The following TACC2 variants were observed in gnomAD, a reference collection of about 807,000 sequenced individuals.
TACC2 encodes the protein transforming acidic coiled-coil-containing protein 2.
In TACC2, 137 loss-of-function variants were observed where a neutral mutation model predicts 227.3. That is an observed-to-expected ratio of 0.60 (90% CI 0.52 to 0.69). The LOEUF (loss-of-function observed/expected upper bound fraction) is 0.69. Ranked by LOEUF, TACC2 falls within the 30% of genes least tolerant of loss-of-function variation. The pLI is 0.00. For missense variants in TACC2, 3,470 were observed against 3,694.4 expected, an observed-to-expected ratio of 0.94 and a Z score of 1.57; for synonymous variants, 1,523 against 1,487.5, an observed-to-expected ratio of 1.02 and a Z score of -0.55.
At chr10:122,065,947 C>T (rs2136551701) in intron 3 of TACC2, among the ~76,000 whole-genome samples, 1 of 152,134 alleles carries the variant, frequency 6.6e-6, no homozygotes, top group East Asian at 1.9e-4. Flanking sequence ...ATAATATAGA[C>T]ACAACAGCCT....
intron 7 of TACC2, among the ~76,000 whole-genome samples, chr10:122,192,965 G>T (rs2094459018): frequency 6.6e-6 from 1 of 152,178 alleles, no homozygotes; most frequent in South Asian, 2.1e-4. Flanking sequence ...ACCTCCTTTT[G>T]TTTTCCACAC....
intron 3 of TACC2, among the ~76,000 whole-genome samples, chr10:122,060,834 G>A (rs1385816016): frequency 2.0e-5 from 3 of 151,810 alleles, no homozygotes; most frequent in Admixed American, 6.6e-5. Flanking sequence ...GCGAAACTCT[G>A]TCTCTACTAA....
At chr10:122,207,612 C>G (rs1255516033) in intron 8 of TACC2, among the ~76,000 whole-genome samples, 3 of 152,182 alleles carry the variant, frequency 2.0e-5, no homozygotes. Flanking sequence ...CCCCAAATGA[C>G]CATAATGCCA....
In TACC2 at chr10:122,084,085, G is replaced by C. The variant is rs546635210; in HGVS notation, c.1585G>C (p.Gly529Arg). 1.2e-6 allele frequency: 2 copies of C among 1,614,028 alleles called. No homozygotes were observed. Among genetic ancestry groups the C allele is most frequent in the Admixed American group, 1.7e-5 (1 of 60,010 alleles). The change falls in exon 4 of 23, where the codon GGA becomes CGA. Residue 529 changes from glycine to arginine, a missense_variant. Gly to Arg is a moderately radical substitution (Grantham distance 125). Transcript: ENST00000369005. ...GGAGCAAAGCCATGAGGTCCAACCA[G>C]GAGCACCACCCCCTCCTCTTCCCAA... ...PKEQSHEVQP[G>R]APPPPLPKAP...
intron 5 of TACC2, among the ~76,000 whole-genome samples, chr10:122,110,052 A>G (rs939190080): frequency 2.0e-5 from 3 of 152,224 alleles, no homozygotes; most frequent in African/African-American, 7.2e-5. Flanking sequence ...TGCCTTTAAG[A>G]TAACTCCAGA....
rs200859744 is a variant in TACC2 at position 122,107,877 on chromosome 10, TATA to T, written c.5573+19287_5573+19289del. Among the ~76,000 whole-genome samples, 618 of 89,570 alleles carry T rather than the reference TATA, an allele frequency of 6.9e-3. 9 individuals are homozygous for T. Among genetic ancestry groups the T allele is most frequent in the African/African-American group, 0.022 (556 of 25,854 alleles). The allele number at this position is 89,570 out of a possible 152,430, so 58.8% of individuals were successfully genotyped here. A position where few individuals can be genotyped will look rare whatever the true frequency, so the allele number is the denominator to read the frequency against. ...CCAAAGTCCATTATATATATATATA[TATA>T]TTTTTTTTTTCTTTTTTCTTTTTTT... On this transcript the variant is annotated intron_variant, in intron 5 of 22. Transcript: ENST00000369005.
chr10:122,254,123 C>A lies in TACC2; in HGVS notation c.*67C>A, dbSNP rs778450017. On this transcript the variant is annotated 3_prime_UTR_variant, in exon 23 of 23. Transcript: ENST00000369005. ...TGACCGTCGGCACACTGCTGTTCCT[C>A]CAGTTCCATGGACAGGTTCTGTTTT... 7.7e-7 allele frequency: 1 copy of A among 1,292,362 alleles called. No homozygotes were observed. Among genetic ancestry groups the A allele is most frequent in the Non-Finnish European group, 1.1e-6 (1 of 886,396 alleles). 80.1% of individuals were successfully genotyped at this position (1,292,362 alleles called of 1,614,324 possible).
chr10:122,150,945 A>G lies in TACC2; in HGVS notation c.5834+7239A>G, dbSNP rs759945737. 2.0e-5 allele frequency among the ~76,000 whole-genome samples: 3 copies of G among 152,096 alleles called. No individual in the cohort carries two copies. The highest frequency in any genetic ancestry group is 4.4e-5 in the Non-Finnish European group (3 of 68,024). On this transcript the variant is annotated intron_variant, in intron 7 of 22. Coordinates refer to ENST00000369005, the MANE Select transcript of TACC2 (RefSeq NM_206862.4). The surrounding 1 kb of genome is among the most constrained non-coding windows in gnomAD (Gnocchi z 4.0). The stretch of plus-strand genomic sequence containing the variant: ...AGCATGAAGTTGGAAAGACAGGCCT[A>G]TTTACCAGCTGTGTGACATGGCATG...
intron 7 of TACC2, among the ~76,000 whole-genome samples, chr10:122,190,474 A>G (rs528392465): frequency 6.6e-6 from 1 of 152,302 alleles, no homozygotes; most frequent in South Asian, 2.1e-4. Context: ...GGAGCTCGGC[A>G]GGGTCCTGTT....
At chr10:122,091,050 T>A (rs550564550) in intron 5 of TACC2, among the ~76,000 whole-genome samples, 1 of 152,180 alleles carries the variant, frequency 6.6e-6, no homozygotes, top group Non-Finnish European at 1.5e-5. Flanking sequence ...TACAAACAGA[T>A]CTTCATGGCT....
At chr10:122,187,680 A>G (rs1043648233) in intron 7 of TACC2, among the ~76,000 whole-genome samples, 5 of 151,836 alleles carry the variant, frequency 3.3e-5, no homozygotes, top group South Asian at 2.1e-4. Context: ...TAGTAGAGAC[A>G]GGGTTTCTCC....
intron 7 of TACC2, among the ~76,000 whole-genome samples, chr10:122,173,031 C>G (rs2093553784): frequency 6.6e-6 from 1 of 152,052 alleles, no homozygotes; most frequent in Admixed American, 6.6e-5. Flanking sequence ...TGCCTGTGGC[C>G]TCAGCTTGGG....
chr10:122,106,047 G>C (rs10749439), intron 5 of TACC2, among the ~76,000 whole-genome samples: 51,100 of 149,020 alleles, frequency 0.34, 10,524 homozygotes, highest in South Asian at 0.46. Flanking sequence ...GAGTACAGTG[G>C]TGTGATTTCG....
intron 8 of TACC2, among the ~76,000 whole-genome samples, chr10:122,199,265 T>A (rs893518030): frequency 1.1e-4 from 16 of 152,228 alleles, no homozygotes; most frequent in Non-Finnish European, 2.2e-4. Context: ...AGCACCAGTG[T>A]CCTCGCCAGG....
chr10:122,140,896 G>A (rs970542409), intron 6 of TACC2, among the ~76,000 whole-genome samples: 1 of 152,204 alleles, frequency 6.6e-6, no homozygotes, highest in Non-Finnish European at 1.5e-5. Flanking sequence ...GAATGCCGTG[G>A]AAAGTCAGGG....
chr10:122,177,793 A>G (rs1304464446), intron 7 of TACC2, among the ~76,000 whole-genome samples: 1 of 152,112 alleles, frequency 6.6e-6, no homozygotes, highest in Admixed American at 6.5e-5. Context: ...CCCTTCCAGA[A>G]CTGCCATGGT....
Position 122,132,710 on chromosome 10 carries a change from T to C in TACC2, c.5675T>C (p.Val1892Ala), listed in dbSNP as rs749537807. 9.3e-6 allele frequency: 15 copies of C among 1,613,980 alleles called. No homozygotes were observed. The Admixed American group carries it at 2.2e-4, about 23-fold the overall frequency. Residue 1892 changes from valine (V) to alanine (A), a missense_variant, in exon 6 of 23, where the codon GTC becomes GCC. By Grantham distance (64) the Val-to-Ala change is moderately conservative. Transcript: ENST00000369005. ...SSYHGDVVGQ[V>A]STDLIAQSIS... ...TACCACGGTGATGTTGTTGGCCAGG[T>C]CTCTACGGATCTGATAGCCCAGAGG...
chr10:122,029,550 T>C (rs1958666612), intron 2 of TACC2, among the ~76,000 whole-genome samples: 1 of 152,106 alleles, frequency 6.6e-6, no homozygotes, highest in Admixed American at 6.5e-5. Context: ...CTAGAAGAGA[T>C]TGTGTAAAGA....
At chr10:122,149,911 C>T (rs2091853971) in intron 7 of TACC2, among the ~76,000 whole-genome samples, 1 of 152,234 alleles carries the variant, frequency 6.6e-6, no homozygotes, top group South Asian at 2.1e-4. Context: ...AGCATAACTA[C>T]GCTGAGCCAC....
Sources: gnomAD v4.1 joint callset for allele counts (sites outside exome capture counted in the v4.1 genomes callset) on GRCh38, gnomAD v4.1.1 for gene constraint, Gnocchi (gnomAD v3.1) non-coding constraint, MANE v1.5 for transcripts, NCBI Gene and HGNC (gene_info 2026-07-23, HGNC 2026-07-21) for gene names.